The following MBP variants were observed in gnomAD, a reference collection of about 807,000 sequenced individuals.
MBP encodes the protein myelin basic protein.
A neutral mutation model predicts 35.8 loss-of-function variants in MBP; 16 were observed. That is an observed-to-expected ratio of 0.45 (90% CI 0.30 to 0.68). The LOEUF (loss-of-function observed/expected upper bound fraction) is 0.68. Among genes scored for constraint, MBP ranks in the 30% least tolerant of loss-of-function variants. MBP has a pLI of 0.08. For synonymous variants in MBP, 143 were observed against 159.6 expected, an observed-to-expected ratio of 0.90 and a Z score of 0.78; for missense variants, 380 against 404.7, an observed-to-expected ratio of 0.94 and a Z score of 0.52.
At chr18:77,122,124 C>G (rs1047022987) in intron 1 of MBP, among the ~76,000 whole-genome samples, 2 of 152,172 alleles carry the variant, frequency 1.3e-5, no homozygotes, top group African/African-American at 2.4e-5. Flanking sequence ...ATGAGTAGAA[C>G]TGGCAGAATC....
chr18:77,053,495 C>T (rs745308864), intron 3 of MBP, among the ~76,000 whole-genome samples: 1 of 152,252 alleles, frequency 6.6e-6, no homozygotes, highest in Non-Finnish European at 1.5e-5. Flanking sequence ...TCAGTTGGAA[C>T]AGCATTTCTA....
intron 1 of MBP, among the ~76,000 whole-genome samples, chr18:77,112,202 G>A (rs1475493133): frequency 8.1e-6 from 1 of 123,070 alleles, no homozygotes; most frequent in Middle Eastern, 3.9e-3. Context: ...TGCGCGCGCG[G>A]CAAAAAGAAA....
At position 76,989,554 on chromosome 18, in the gene MBP, TG is replaced by T. The variant is rs1475354771; in HGVS notation, c.681+401del. 6.6e-5 allele frequency among the ~76,000 whole-genome samples: 10 copies of T among 152,172 alleles called. No homozygotes were observed. Among genetic ancestry groups the T allele is most frequent in the Non-Finnish European group, 1.3e-4 (9 of 68,022 alleles). On this transcript the variant is annotated intron_variant, in intron 5 of 8. Coordinates refer to ENST00000355994, the MANE Select transcript of MBP (RefSeq NM_001025101.2). The surrounding 1 kb of genome is among the most constrained non-coding windows in gnomAD (Gnocchi z 4.0). Reference sequence around the variant, plus strand: ...ACAAGTGCGTGGTCTTCAGTCACCATGGCAGCCTCGACAGAGCGGTTTCGCT... The same window carrying T: ...ACAAGTGCGTGGTCTTCAGTCACCATGCAGCCTCGACAGAGCGGTTTCGCT...
At chr18:76,981,283 C>T (rs893874656) in intron 8 of MBP, 2 of 152,126 alleles carry the variant, frequency 1.3e-5, no homozygotes, top group African/African-American at 2.4e-5. Context: ...CTTGGGTTTC[C>T]CCTCTTTTAT....
At chr18:77,090,473 T>A (rs1975462759) in intron 2 of MBP, among the ~76,000 whole-genome samples, 1 of 152,088 alleles carries the variant, frequency 6.6e-6, no homozygotes. Flanking sequence ...ACCAATCCAA[T>A]CTCCTCCTGC....
rs187087785 is a variant in MBP at position 77,020,054 on chromosome 18, A to C, written c.140-2786T>G. 3.3e-5 allele frequency among the ~76,000 whole-genome samples: 5 copies of C among 152,284 alleles called. No individual in the cohort carries two copies. The East Asian group carries it at 7.7e-4, about 24-fold the overall frequency. ...CAGAGCAGGCAGCTATGTGGCGAGA[A>C]GACAGGGCTTGGTTTGGGGAGCAGC... is the stretch of plus-strand genomic sequence containing the variant. On this transcript the variant is annotated intron_variant, in intron 3 of 8. Coordinates refer to ENST00000355994, the MANE Select transcript of MBP (RefSeq NM_001025101.2). The surrounding 1 kb of genome is among the most constrained non-coding windows in gnomAD (Gnocchi z 4.1).
At chr18:77,113,759 C>G (rs896101218) in intron 1 of MBP, 1 of 152,608 alleles carries the variant, frequency 6.6e-6, no homozygotes, top group African/African-American at 2.4e-5. Flanking sequence ...TGACTTAGAC[C>G]ACGCACACAG....
At position 76,980,268 on chromosome 18, in the gene MBP, C is replaced by T. The variant is rs1401787298; in HGVS notation, c.*159G>A. 9 of 748,006 alleles carry T rather than the reference C, an allele frequency of 1.2e-5. No individual in the cohort carries two copies. Among genetic ancestry groups the T allele is most frequent in the South Asian group, 4.4e-5 (3 of 67,668 alleles). The allele number at this position is 748,006 out of a possible 1,614,324, so 46.3% of individuals were successfully genotyped here. A position where few individuals can be genotyped will look rare whatever the true frequency, so the allele number is the denominator to read the frequency against. On this transcript the variant is annotated 3_prime_UTR_variant, in exon 9 of 9. Transcript: ENST00000355994. ...CATTTAACTGTTGGCCGGAAATTGC[C>T]GGTAGGCTGCCGTGGCCTGACCCTA...
intron 2 of MBP, among the ~76,000 whole-genome samples, chr18:77,094,660 T>C (rs146942352): frequency 1.8e-3 from 278 of 152,302 alleles, no homozygotes; most frequent in Non-Finnish European, 3.5e-3. Context: ...AACTCAAAAT[T>C]AACTTTTGTA....
At chr18:77,016,529 CTT>C in intron 4 of MBP, 1 of 1,243,158 alleles carries the variant, frequency 8.0e-7, no homozygotes, top group South Asian at 2.3e-5. Flanking sequence ...ATGTGGCTCT[CTT>C]TCTGCAACGC....
chr18:77,039,510 G>A (rs1972899907), intron 3 of MBP, among the ~76,000 whole-genome samples: 1 of 152,218 alleles, frequency 6.6e-6, no homozygotes, highest in Non-Finnish European at 1.5e-5. Flanking sequence ...TTTAAAACCA[G>A]AAGATGAATG....
chr18:77,121,904 A>T (rs1407436306), intron 1 of MBP, among the ~76,000 whole-genome samples: 1 of 152,186 alleles, frequency 6.6e-6, no homozygotes, highest in Admixed American at 6.5e-5. Context: ...CCACAACCCC[A>T]TGTAAGAGAA....
At chr18:77,070,009 T>C (rs1283852619) in intron 2 of MBP, among the ~76,000 whole-genome samples, 2 of 152,130 alleles carry the variant, frequency 1.3e-5, no homozygotes, top group Non-Finnish European at 2.9e-5. Flanking sequence ...TACTCAAATA[T>C]AAGGTTTGTT....
chr18:77,031,112 G>C (rs1339279124), intron 3 of MBP, among the ~76,000 whole-genome samples: 3 of 151,728 alleles, frequency 2.0e-5, no homozygotes. Context: ...ATCAAAAGAA[G>C]GTGATACTGT....
chr18:77,015,451 C>T (rs556836957), intron 4 of MBP: 83 of 985,418 alleles, frequency 8.4e-5, no homozygotes, highest in Middle Eastern at 5.2e-4. Context: ...CATTAGAAAT[C>T]GGTTAGAACA....
chr18:77,116,306 G>A (rs1459952659), intron 1 of MBP, among the ~76,000 whole-genome samples: 1 of 152,214 alleles, frequency 6.6e-6, no homozygotes, highest in Non-Finnish European at 1.5e-5. Flanking sequence ...TCTCCTAAAG[G>A]GCCCCATGTT....
chr18:77,061,614 G>C (rs1973985671), intron 3 of MBP, among the ~76,000 whole-genome samples: 1 of 152,188 alleles, frequency 6.6e-6, no homozygotes, highest in Non-Finnish European at 1.5e-5. Context: ...CACTTGGGCA[G>C]CTGGGCAGCT....
intron 8 of MBP, 32 bp downstream of exon 8, chr18:76,984,743 C>T (rs200539421): frequency 9.6e-5 from 155 of 1,613,484 alleles, no homozygotes; most frequent in Non-Finnish European, 1.2e-4. Context: ...CCTTAGTCCC[C>T]GCTCAGTGGA....
chr18:77,118,683 C>CCA (rs1275373043), intron 1 of MBP, among the ~76,000 whole-genome samples: 1 of 145,154 alleles, frequency 6.9e-6, no homozygotes, highest in Non-Finnish European at 1.5e-5. Context: ...CACACACACA[C>CCA]CACACACACA....
Sources: allele counts gnomAD v4.1 joint callset (sites outside exome capture counted in the v4.1 genomes callset), GRCh38; gene constraint gnomAD v4.1.1; non-coding constraint Gnocchi (gnomAD v3.1); transcripts MANE v1.5; gene names NCBI Gene and HGNC (gene_info 2026-07-23, HGNC 2026-07-21).